SMIM36: variants seen among roughly 807,000 people sequenced by gnomAD.
SMIM36 encodes the protein small integral membrane protein 36.
At chr17:55,471,292 A>G (rs1293208217) in intron 3 of SMIM36, among the ~76,000 whole-genome samples, 1 of 152,066 alleles carries the variant, frequency 6.6e-6, no homozygotes, top group Non-Finnish European at 1.5e-5. Flanking sequence ...ATCTTATTCA[A>G]TATTTTGATG....
At chr17:55,519,599 T>TA in the SMIM36 span, among the ~76,000 whole-genome samples, 6 of 152,210 alleles carry the variant, frequency 3.9e-5, no homozygotes, top group East Asian at 1.2e-3. Flanking sequence ...GTTGAGATAA[T>TA]AAAAAATCTG....
chr17:55,528,362 T>C, the SMIM36 span, among the ~76,000 whole-genome samples: 1 of 151,940 alleles, frequency 6.6e-6, no homozygotes, highest in African/African-American at 2.4e-5. Flanking sequence ...ATATAATATA[T>C]ATTTTTAAAG....
the SMIM36 span, chr17:55,527,646 G>T: frequency 3.9e-5 from 6 of 152,040 alleles, no homozygotes; most frequent in Non-Finnish European, 7.3e-5. Context: ...TTTGCATGAG[G>T]GTGACACTAT....
the SMIM36 span, among the ~76,000 whole-genome samples, chr17:55,525,880 A>G: frequency 1.3e-5 from 2 of 152,042 alleles, no homozygotes; most frequent in Non-Finnish European, 2.9e-5. Flanking sequence ...CTGGTCTCGA[A>G]CTTTTGTGCT....
intron 1 of SMIM36, among the ~76,000 whole-genome samples, chr17:55,502,032 G>A (rs1441627408): frequency 1.3e-5 from 2 of 151,762 alleles, no homozygotes; most frequent in Non-Finnish European, 2.9e-5. Flanking sequence ...AAAAAACGGC[G>A]CACCACGAGA....
At chr17:55,526,296 A>G in the SMIM36 span, among the ~76,000 whole-genome samples, 1 of 152,002 alleles carries the variant, frequency 6.6e-6, no homozygotes, top group South Asian at 2.1e-4. Context: ...GGTGTGCGCC[A>G]CCACATCTGG....
the SMIM36 span, among the ~76,000 whole-genome samples, chr17:55,520,066 T>A: frequency 6.6e-6 from 1 of 152,228 alleles, no homozygotes. Context: ...GGAGAAGTTC[T>A]GGTCCTTGCT....
At chr17:55,522,375 T>C in the SMIM36 span, among the ~76,000 whole-genome samples, 1 of 152,222 alleles carries the variant, frequency 6.6e-6, no homozygotes, top group African/African-American at 2.4e-5. Flanking sequence ...CTCACATCGC[T>C]AATAAAAACA....
chr17:55,470,287 T>C (rs1909320807), intron 3 of SMIM36, among the ~76,000 whole-genome samples: 1 of 152,146 alleles, frequency 6.6e-6, no homozygotes, highest in Non-Finnish European at 1.5e-5. Context: ...ACTTCCCAGA[T>C]CTTCTCTGCT....
At chr17:55,467,005 T>A (rs1448079164) in intron 4 of SMIM36, 140 bp downstream of exon 4, 1 of 152,082 alleles carries the variant, frequency 6.6e-6, no homozygotes. Flanking sequence ...TGCAGTTGAG[T>A]GTTCTGAGAC....
chr17:55,488,407 T>C (rs1909643922), intron 1 of SMIM36, among the ~76,000 whole-genome samples: 1 of 152,248 alleles, frequency 6.6e-6, no homozygotes, highest in Non-Finnish European at 1.5e-5. Context: ...TTGGAAATTA[T>C]ACCCAAGCAT....
chr17:55,497,766 T>G (rs547995557), intron 1 of SMIM36, among the ~76,000 whole-genome samples: 1 of 152,158 alleles, frequency 6.6e-6, no homozygotes, highest in Admixed American at 6.5e-5. Flanking sequence ...CAGCATCGAT[T>G]TCCTAGGCAG....
At chr17:55,460,814 T>C (rs113359943) in intron 4 of SMIM36, among the ~76,000 whole-genome samples, 9,745 of 152,122 alleles carry the variant, frequency 0.064, 988 homozygotes, top group African/African-American at 0.21. Context: ...GCCGAGACTG[T>C]GCCACTGCAC....
chr17:55,466,145 C>T (rs10451267), intron 4 of SMIM36, among the ~76,000 whole-genome samples: 22 of 151,730 alleles, frequency 1.4e-4, no homozygotes, highest in Admixed American at 2.6e-4. Flanking sequence ...GGCATGGTGG[C>T]GGGCACCTGT....
intron 1 of SMIM36, among the ~76,000 whole-genome samples, chr17:55,500,318 T>TTTTG: frequency 6.6e-6 from 1 of 152,136 alleles, no homozygotes; most frequent in South Asian, 2.1e-4. Flanking sequence ...AGAGACGGGC[T>TTTTG]CTTGCTATGT....
At chr17:55,510,619 A>G (rs1910162779) in intron 1 of SMIM36, among the ~76,000 whole-genome samples, 1 of 152,136 alleles carries the variant, frequency 6.6e-6, no homozygotes, top group South Asian at 2.1e-4. Context: ...TAACAACAAA[A>G]AACTGGTTGC....
intron 1 of SMIM36, among the ~76,000 whole-genome samples, chr17:55,486,715 G>A (rs1909614945): frequency 6.6e-6 from 1 of 152,114 alleles, no homozygotes; most frequent in African/African-American, 2.4e-5. Context: ...GTGAACTACT[G>A]TTCTCCATTC....
intron 3 of SMIM36, among the ~76,000 whole-genome samples, chr17:55,468,792 G>A (rs1053357849): frequency 2.6e-5 from 4 of 151,910 alleles, no homozygotes; most frequent in African/African-American, 4.8e-5. Context: ...AAACCCCTTC[G>A]ACTAACACCT....
intron 4 of SMIM36, among the ~76,000 whole-genome samples, chr17:55,451,458 C>G (rs1371390159): frequency 6.6e-6 from 1 of 152,180 alleles, no homozygotes; most frequent in African/African-American, 2.4e-5. Flanking sequence ...GTTTTATCTT[C>G]AAGTTCCAGC....
Sources: gnomAD v4.1 joint callset for allele counts (sites outside exome capture counted in the v4.1 genomes callset) on GRCh38, gnomAD v4.1.1 for gene constraint, MANE v1.5 for transcripts, NCBI Gene and HGNC (gene_info 2026-07-23, HGNC 2026-07-21) for gene names.